Variants in ARID1B observed in about 807,000 individuals in gnomAD.
ARID1B encodes the protein AT-rich interaction domain 1B.
A neutral mutation model predicts 212.3 loss-of-function variants in ARID1B; 30 were observed. The ratio of observed to expected loss-of-function variants is 0.14; its 90% CI spans 0.11 to 0.19. ARID1B has a LOEUF of 0.19. Among genes scored for constraint, ARID1B ranks in the 10% least tolerant of loss-of-function variants. ARID1B has a pLI of 1.00. For missense variants in ARID1B, 2,891 were observed against 3,204.0 expected, an observed-to-expected ratio of 0.90 and a Z score of 2.36; for synonymous variants, 1,402 against 1,301.7, an observed-to-expected ratio of 1.08 and a Z score of -1.66.
intron 9 of ARID1B, chr6:157,168,116 TTCCACCTC>T (rs1211524111): frequency 2.6e-5 from 4 of 152,330 alleles, no homozygotes; most frequent in Admixed American, 6.5e-5. Context: ...TTCTTCTGCC[TTCCACCTC>T]CTTTCTGGCC....
chr6:156,998,210 CTCTTT>C (rs1423649764), intron 4 of ARID1B, among the ~76,000 whole-genome samples: 1 of 141,816 alleles, frequency 7.1e-6, no homozygotes, highest in Non-Finnish European at 1.5e-5. Flanking sequence ...TGATCTCTCT[CTCTTT>C]TTTTTTTTTT....
At chr6:156,957,759 G>A (rs938285845) in intron 4 of ARID1B, among the ~76,000 whole-genome samples, 1 of 152,140 alleles carries the variant, frequency 6.6e-6, no homozygotes, top group African/African-American at 2.4e-5. Flanking sequence ...GGCCAGCCTA[G>A]GGCTTTTCAT....
intron 2 of ARID1B, among the ~76,000 whole-genome samples, chr6:156,858,194 G>T (rs1340682803): frequency 1.3e-5 from 2 of 151,994 alleles, no homozygotes; most frequent in East Asian, 3.9e-4. Flanking sequence ...TCATGGAGCT[G>T]GATAGAATGA....
At chr6:157,008,839 A>G (rs948577247) in intron 4 of ARID1B, among the ~76,000 whole-genome samples, 2 of 151,926 alleles carry the variant, frequency 1.3e-5, no homozygotes, top group Non-Finnish European at 2.9e-5. Flanking sequence ...ACAGTTTGTA[A>G]TGGGTGGTGG....
At chr6:156,894,735 A>G (rs944310821) in intron 2 of ARID1B, among the ~76,000 whole-genome samples, 1 of 152,240 alleles carries the variant, frequency 6.6e-6, no homozygotes, top group African/African-American at 2.4e-5. Flanking sequence ...TGTGATAGAA[A>G]CTGGGGCGTG....
At chr6:156,913,021 C>CTTT (rs112512329) in intron 3 of ARID1B, among the ~76,000 whole-genome samples, 1 of 136,626 alleles carries the variant, frequency 7.3e-6, no homozygotes, top group Non-Finnish European at 1.6e-5. Flanking sequence ...TTCATACTTT[C>CTTT]TTTTTTTTTT....
At chr6:156,943,735 T>G (rs1447834703) in intron 4 of ARID1B, 1 of 151,416 alleles carries the variant, frequency 6.6e-6, no homozygotes, top group Admixed American at 6.6e-5. Context: ...TAATAGCTAA[T>G]TTTTTAGAGC....
At chr6:157,170,837 C>T (rs1427728304) in intron 9 of ARID1B, among the ~76,000 whole-genome samples, 2 of 152,230 alleles carry the variant, frequency 1.3e-5, no homozygotes, top group Non-Finnish European at 2.9e-5. Flanking sequence ...CCGAGCCGTT[C>T]TTAGATCCTG....
intron 1 of ARID1B, among the ~76,000 whole-genome samples, chr6:156,801,015 C>G (rs1209718236): frequency 6.6e-6 from 1 of 152,110 alleles, no homozygotes; most frequent in Non-Finnish European, 1.5e-5. Context: ...CAAAATAGAT[C>G]TAGAACATTC....
At chr6:157,168,555 G>A (rs1043210572) in intron 9 of ARID1B, 1 of 152,132 alleles carries the variant, frequency 6.6e-6, no homozygotes, top group Non-Finnish European at 1.5e-5. Context: ...TGAGAGCATT[G>A]AAACCACACA....
At chr6:156,960,965 C>T (rs1794332552) in intron 4 of ARID1B, among the ~76,000 whole-genome samples, 1 of 152,184 alleles carries the variant, frequency 6.6e-6, no homozygotes, top group Non-Finnish European at 1.5e-5. Flanking sequence ...AAGTGGTCCA[C>T]CTTTCTACCT....
intron 1 of ARID1B, among the ~76,000 whole-genome samples, chr6:156,780,073 T>C (rs2115024657): frequency 6.6e-6 from 1 of 152,264 alleles, no homozygotes; most frequent in Middle Eastern, 3.4e-3. Flanking sequence ...GGCTTCGAGC[T>C]CGAACGTTTG....
intron 8 of ARID1B, among the ~76,000 whole-genome samples, chr6:157,155,158 C>T (rs1055826927): frequency 1.3e-5 from 2 of 152,264 alleles, no homozygotes; most frequent in Non-Finnish European, 1.5e-5. Context: ...TTTCCAGAGC[C>T]AAGCGCTTTG....
chr6:156,801,874 T>C (rs142942831), intron 1 of ARID1B, among the ~76,000 whole-genome samples: 231 of 152,340 alleles, frequency 1.5e-3, no homozygotes, highest in African/African-American at 5.5e-3. Context: ...ACCTGTGGCC[T>C]GGTAGTTGAA....
chr6:156,821,866 G>C (rs553753262), intron 1 of ARID1B, among the ~76,000 whole-genome samples: 1 of 152,256 alleles, frequency 6.6e-6, no homozygotes, highest in Admixed American at 6.5e-5. Context: ...AAAAACACAG[G>C]CAGTGGTCAT....
chr6:157,078,047 G>A (rs1409152492), intron 4 of ARID1B, among the ~76,000 whole-genome samples: 6 of 152,126 alleles, frequency 3.9e-5, no homozygotes, highest in East Asian at 1.9e-4. Flanking sequence ...AGTCTTTTTC[G>A]TGTTTTAGCA....
chr6:157,107,394 G>A (rs978840001), intron 5 of ARID1B, among the ~76,000 whole-genome samples: 5 of 152,106 alleles, frequency 3.3e-5, no homozygotes, highest in African/African-American at 9.7e-5. Flanking sequence ...GAGGAGGTGG[G>A]CTAAAGGATA....
At chr6:156,979,794 G>T (rs1180110525) in intron 4 of ARID1B, among the ~76,000 whole-genome samples, 1 of 152,178 alleles carries the variant, frequency 6.6e-6, no homozygotes, top group Non-Finnish European at 1.5e-5. Flanking sequence ...TTGACCTCTT[G>T]ATCCGCCCAC....
chr6:157,025,659 AG>A (rs1404355650), intron 4 of ARID1B, among the ~76,000 whole-genome samples: 10 of 152,156 alleles, frequency 6.6e-5, no homozygotes, highest in Non-Finnish European at 1.5e-4. Context: ...TTCATTGGTG[AG>A]TCGTTTTCCA....
Sources: gnomAD v4.1 joint callset for allele counts (sites outside exome capture counted in the v4.1 genomes callset) on GRCh38, gnomAD v4.1.1 for gene constraint, MANE v1.5 for transcripts, NCBI Gene and HGNC (gene_info 2026-07-23, HGNC 2026-07-21) for gene names.